ZFHX3: variants seen among roughly 807,000 people sequenced by gnomAD.
ZFHX3 encodes zinc finger homeobox protein 3.
In ZFHX3, 42 loss-of-function variants were observed where a neutral mutation model predicts 279.1. The observed-to-expected ratio is 0.15, with a 90% CI of 0.12 to 0.19. ZFHX3 has a LOEUF of 0.19. Ranked by LOEUF, ZFHX3 falls within the 10% of genes least tolerant of loss-of-function variation. ZFHX3 has a pLI of 1.00. For synonymous variants in ZFHX3, 2,293 were observed against 1,957.8 expected (o/e 1.17, Z -4.52); for missense variants, 4,981 against 4,754.0 (o/e 1.05, Z -1.40).
rs1567438785 is a variant in ZFHX3, at chr16:73,281,036, G to GA, written c.-1193-23901_-1193-23900insT. 3.8e-3 allele frequency among the ~76,000 whole-genome samples: 165 copies of GA among 43,920 alleles called. 1 individual carries two copies. Among genetic ancestry groups the GA allele is most frequent in the Middle Eastern group, 0.01 (1 of 100 alleles). 28.8% of individuals were successfully genotyped at this position (43,920 alleles called of 152,430 possible). A position where few individuals can be genotyped will look rare whatever the true frequency, so the allele number is the denominator to read the frequency against. On this transcript the variant is annotated intron_variant, in intron 4 of 17. Transcript: ENST00000641206. ...AAAGGAGAGGAGAGGAGAGGGGAGG[G>GA]GAGGGGAGGGGAGGGGAGGGGAGGA...
chr16:73,280,995 A>G (rs2143061203), intron 4 of ZFHX3, among the ~76,000 whole-genome samples: 1 of 114,666 alleles, frequency 8.7e-6, no homozygotes, highest in East Asian at 3.4e-4. Context: ...AAAGAAAGAA[A>G]GAGGGAAATG....
intron 4 of ZFHX3, among the ~76,000 whole-genome samples, chr16:72,840,574 G>C (rs2037321224): frequency 6.6e-6 from 1 of 152,170 alleles, no homozygotes; most frequent in South Asian, 2.1e-4. Context: ...GCACACAACA[G>C]AGAAAAATAA....
At chr16:73,085,539 C>A (rs1239428758) in intron 8 of ZFHX3, among the ~76,000 whole-genome samples, 1 of 152,192 alleles carries the variant, frequency 6.6e-6, no homozygotes, top group Non-Finnish European at 1.5e-5. Flanking sequence ...AACCACCACT[C>A]CTGGGCTACA....
At chr16:72,881,156 T>C (rs2038458100) in intron 4 of ZFHX3, among the ~76,000 whole-genome samples, 1 of 152,220 alleles carries the variant, frequency 6.6e-6, no homozygotes, top group Non-Finnish European at 1.5e-5. Flanking sequence ...TCTGAACTGC[T>C]CTAGAAATCT....
At chr16:73,037,262 C>G (rs1964943473) in intron 1 of ZFHX3, among the ~76,000 whole-genome samples, 1 of 152,140 alleles carries the variant, frequency 6.6e-6, no homozygotes, top group Admixed American at 6.5e-5. Flanking sequence ...GGTTGCTATT[C>G]AAATGCATCC....
At chr16:73,785,855 A>G (rs1959626672) in intron 1 of ZFHX3, among the ~76,000 whole-genome samples, 1 of 152,170 alleles carries the variant, frequency 6.6e-6, no homozygotes, top group African/African-American at 2.4e-5. Flanking sequence ...GGTACTTTGT[A>G]ACCATTTCTA....
intron 1 of ZFHX3, among the ~76,000 whole-genome samples, chr16:73,035,068 T>C (rs557886878): frequency 6.6e-6 from 1 of 152,230 alleles, no homozygotes; most frequent in East Asian, 1.9e-4. Context: ...CCACCGACCC[T>C]TGTCACTACC....
intron 1 of ZFHX3, among the ~76,000 whole-genome samples, chr16:73,824,187 G>A (rs1960830407): frequency 6.6e-6 from 1 of 152,136 alleles, no homozygotes; most frequent in Admixed American, 6.5e-5. Context: ...GAAATCTCCA[G>A]GAGAAAAAGT....
At chr16:72,835,827 C>T (rs1479785223) in intron 4 of ZFHX3, among the ~76,000 whole-genome samples, 5 of 152,160 alleles carry the variant, frequency 3.3e-5, no homozygotes, top group Admixed American at 2.6e-4. Context: ...GCTGGCACAA[C>T]TGGAAAACGA....
At position 73,488,147 on chromosome 16, in the gene ZFHX3, T is replaced by C. The variant is rs527804901; in HGVS notation, c.-1546-31889A>G. On this transcript the variant is annotated intron_variant, in intron 2 of 17. Coordinates refer to the ZFHX3 transcript ENST00000641206. ...GTACAAGGTCCTCACAAAAGGAGCCTAGAAGAATTTGAGAGAACAAATTTG... is the reference window on the plus strand; with the variant it reads ...GTACAAGGTCCTCACAAAAGGAGCCCAGAAGAATTTGAGAGAACAAATTTG... 1.7e-4 allele frequency among the ~76,000 whole-genome samples: 26 copies of C among 152,312 alleles called. No homozygotes were observed. In the South Asian group the frequency reaches 5.4e-3, roughly 32 times the overall value.
chr16:73,679,276 T>C (rs2052986347), intron 2 of ZFHX3, among the ~76,000 whole-genome samples: 2 of 152,140 alleles, frequency 1.3e-5, no homozygotes, highest in South Asian at 2.1e-4. Flanking sequence ...TTTTTAACAA[T>C]GTCGCCATTT....
intron 2 of ZFHX3, among the ~76,000 whole-genome samples, chr16:73,466,773 C>T (rs537705443): frequency 6.6e-6 from 1 of 152,172 alleles, no homozygotes; most frequent in South Asian, 2.1e-4. Flanking sequence ...GGGACCTAAT[C>T]CTGAGTAGAT....
At chr16:73,058,495 C>T (rs566583259) in intron 1 of ZFHX3, 1 of 161,020 alleles carries the variant, frequency 6.2e-6, no homozygotes. Context: ...GCGGCGGCGG[C>T]GGGAAAAAAA....
rs16972540 is a variant in ZFHX3 at position 73,771,087 on chromosome 16, G to A, written c.-1607-90847C>T. On this transcript the variant is annotated intron_variant, in intron 1 of 17. Transcript: ENST00000641206. ...ACAAGATGAGCTCTAAAGCTCCTTGGAACACAAAGGTCAAGGATGCTAGAG... is the reference window on the plus strand; with the variant it reads ...ACAAGATGAGCTCTAAAGCTCCTTGAAACACAAAGGTCAAGGATGCTAGAG... 6.8e-3 allele frequency among the ~76,000 whole-genome samples: 1,033 copies of A among 152,272 alleles called. 10 individuals carry two copies. The highest frequency in any genetic ancestry group is 0.024 in the African/African-American group (1,001 of 41,548).
chr16:73,026,374 AAAAC>A (rs1217421478), intron 1 of ZFHX3, among the ~76,000 whole-genome samples: 12 of 151,272 alleles, frequency 7.9e-5, no homozygotes, highest in Non-Finnish European at 8.8e-5. Flanking sequence ...CTCTGTCTCA[AAAAC>A]AAAAACAGAA....
intron 1 of ZFHX3, among the ~76,000 whole-genome samples, chr16:73,055,698 G>GCACACACACACACA (rs71156135): frequency 8.2e-5 from 9 of 109,488 alleles, no homozygotes; most frequent in African/African-American, 1.5e-4. Flanking sequence ...GCGCGCGCGC[G>GCACACACACACACA]CACACACACA....
intron 7 of ZFHX3, among the ~76,000 whole-genome samples, chr16:73,097,075 G>T (rs1371437449): frequency 6.6e-6 from 1 of 151,068 alleles, no homozygotes; most frequent in African/African-American, 2.4e-5. Context: ...TTCTTTCGAG[G>T]TGGGGTCTTG....
intron 4 of ZFHX3, among the ~76,000 whole-genome samples, chr16:73,273,820 G>A (rs574580287): frequency 1.3e-5 from 2 of 152,220 alleles, no homozygotes; most frequent in South Asian, 2.1e-4. Flanking sequence ...ATTTCTACAG[G>A]TGGAATGCTG....
chr16:73,750,995 C>G (rs1442289131), intron 1 of ZFHX3, among the ~76,000 whole-genome samples: 2 of 152,120 alleles, frequency 1.3e-5, no homozygotes, highest in African/African-American at 4.8e-5. Flanking sequence ...GGGCATTTTT[C>G]TGAGAAATAT....
Sources: allele counts gnomAD v4.1 joint callset (sites outside exome capture counted in the v4.1 genomes callset), GRCh38; gene constraint gnomAD v4.1.1; transcripts MANE v1.5; gene names NCBI Gene and HGNC (gene_info 2026-07-23, HGNC 2026-07-21).